ORC5: variants seen among roughly 807,000 people sequenced by gnomAD.
ORC5 encodes origin recognition complex subunit 5, also known as protein phosphatase 1, regulatory subunit 117.
Under a neutral mutation model 58.8 loss-of-function variants are expected in ORC5, and 39 were observed. The observed-to-expected ratio is 0.66, with a 90% CI of 0.51 to 0.87. ORC5 has a LOEUF of 0.87. ORC5 is among the 40% of genes least tolerant of loss of function. ORC5 has a pLI of 0.00. For missense variants in ORC5, 493 were observed against 506.3 expected (o/e 0.97, Z 0.25); for synonymous variants, 218 against 177.6 (o/e 1.23, Z -1.81).
chr7:104,193,050 G>C, intron 5 of ORC5, among the ~76,000 whole-genome samples: 1 of 151,958 alleles, frequency 6.6e-6, no homozygotes, highest in East Asian at 1.9e-4. Context: ...GGTGAGGGGG[G>C]CAGACAAAAT....
In ORC5 at chr7:104,196,763, C is replaced by T. The variant is rs1475004298; in HGVS notation, c.441+962G>A. On this transcript the variant is annotated intron_variant, in intron 4 of 13. Coordinates refer to ENST00000297431, the MANE Select transcript of ORC5 (RefSeq NM_002553.4). ...AAACTGCTTATACTCAAAGCACTTA[C>T]AAAATTATAAAACCAAAATAAATTT... is the stretch of plus-strand genomic sequence containing the variant. 2.0e-5 allele frequency among the ~76,000 whole-genome samples: 3 copies of T among 152,152 alleles called. No homozygotes were observed. The East Asian group carries it at 5.8e-4, about 29-fold the overall frequency.
In ORC5 at chr7:104,165,286, C is replaced by A; in HGVS notation, c.991-4G>T. 1 of 1,517,330 alleles carries A rather than the reference C, an allele frequency of 6.6e-7. No homozygotes were observed. The highest frequency in any genetic ancestry group is 9.0e-7 in the Non-Finnish European group (1 of 1,107,858). The allele number at this position is 1,517,330 out of a possible 1,614,324, so 94.0% of individuals were successfully genotyped here. On this transcript the variant is annotated splice_region_variant and splice_polypyrimidine_tract_variant and intron_variant, in intron 10 of 13. Transcript: ENST00000297431. ...TTTTCTTGATTTTTCCATGATGCTG[C>A]AATTAAGGAAAACAAATTTTAAGTT...
At chr7:104,152,467 A>AC (rs1323678939) in intron 12 of ORC5, among the ~76,000 whole-genome samples, 2 of 152,192 alleles carry the variant, frequency 1.3e-5, no homozygotes, top group Non-Finnish European at 2.9e-5. Context: ...AATGTACCAC[A>AC]CATTTCCACA....
chr7:104,207,149 C>A (rs1380847424), intron 1 of ORC5, among the ~76,000 whole-genome samples: 4 of 152,170 alleles, frequency 2.6e-5, no homozygotes, highest in Non-Finnish European at 5.9e-5. Flanking sequence ...CTGATTGAGT[C>A]TGAATCAAAA....
chr7:104,146,760 A>T (rs1021821726), intron 12 of ORC5, among the ~76,000 whole-genome samples: 3 of 152,324 alleles, frequency 2.0e-5, no homozygotes, highest in Middle Eastern at 6.8e-3. Flanking sequence ...GCACAGGATA[A>T]AATTTCATAT....
At chr7:104,191,770 T>C (rs563022025) in intron 5 of ORC5, among the ~76,000 whole-genome samples, 18 of 151,960 alleles carry the variant, frequency 1.2e-4, no homozygotes, top group African/African-American at 4.3e-4. Context: ...TATCATGAGG[T>C]AGTAAACAAA....
At position 104,205,086 on chromosome 7, in the gene ORC5, C is replaced by CTTTTTTTTTTTTTTTTTTT. The variant is rs10672012; in HGVS notation, c.73-871_73-853dup. Among the ~76,000 whole-genome samples the CTTTTTTTTTTTTTTTTTTT allele has an allele frequency of 3.0e-5, 3 of 99,426 alleles. 1 individual carries two copies. The highest frequency in any genetic ancestry group is 1.1e-4 in the African/African-American group (3 of 26,884). 65.2% of individuals were successfully genotyped at this position (99,426 alleles called of 152,430 possible). On this transcript the variant is annotated intron_variant, in intron 1 of 13. Coordinates refer to ENST00000297431, the MANE Select transcript of ORC5 (RefSeq NM_002553.4). ...GAAAACTTGATTTTTTAATAATACTCTTTTTTTTTTTTTTTTTTTTTGAGA... is the reference window on the plus strand; with the variant it reads ...GAAAACTTGATTTTTTAATAATACTCTTTTTTTTTTTTTTTTTTTTTTTTTTTTTTTTTTTTTTTTGAGA...
intron 12 of ORC5, among the ~76,000 whole-genome samples, chr7:104,150,991 G>C (rs1392264861): frequency 1.3e-5 from 2 of 152,158 alleles, no homozygotes; most frequent in Admixed American, 1.3e-4. Context: ...GATGGACCAT[G>C]ATGCGTAAAA....
In ORC5 at chr7:104,136,902, G is replaced by C. The variant is rs1472098690; in HGVS notation, c.1150-9C>G. On this transcript the variant is annotated splice_polypyrimidine_tract_variant and intron_variant, in intron 12 of 13. Coordinates refer to ENST00000297431, the MANE Select transcript of ORC5 (RefSeq NM_002553.4). This position sits in a 1 kb window ranked among gnomAD's most constrained non-coding sequence, Gnocchi z 4.2. ...GTCACTAGAGAGGTAATCTAAAAGA[G>C]AACATTTTTATAAGAAACTGTTTTA... 6.4e-7 allele frequency: 1 copy of C among 1,570,320 alleles called. No homozygotes were observed. Among genetic ancestry groups the C allele is most frequent in the South Asian group, 1.1e-5 (1 of 90,056 alleles).
At chr7:104,169,242 A>G (rs1422528533) in intron 8 of ORC5, among the ~76,000 whole-genome samples, 1 of 152,164 alleles carries the variant, frequency 6.6e-6, no homozygotes. Context: ...TGAGGCTCAA[A>G]GATTAAGTCA....
intron 6 of ORC5, among the ~76,000 whole-genome samples, chr7:104,186,529 G>A (rs1051470766): frequency 1.3e-5 from 2 of 152,080 alleles, no homozygotes; most frequent in Non-Finnish European, 2.9e-5. Context: ...GAATATCAAA[G>A]TAGTACTTCA....
At chr7:104,206,968 A>T (rs1316090517) in intron 1 of ORC5, among the ~76,000 whole-genome samples, 1 of 152,206 alleles carries the variant, frequency 6.6e-6, no homozygotes, top group Non-Finnish European at 1.5e-5. Context: ...TGATATTCAC[A>T]GGGATTAAAT....
In ORC5 at chr7:104,138,902, CA is replaced by C. The variant is rs1374873841; in HGVS notation, c.1150-2010del. On this transcript the variant is annotated intron_variant, in intron 12 of 13. Coordinates refer to ENST00000297431, the MANE Select transcript of ORC5 (RefSeq NM_002553.4). The surrounding 1 kb of genome is among the most constrained non-coding windows in gnomAD (Gnocchi z 4.7). ...AAAGTGTATTTTGATAGGTCAAAAT[CA>C]AAGTACAAAATCACTTAACATTCAT... Among the ~76,000 whole-genome samples, 1 of 152,144 alleles carries C rather than the reference CA, an allele frequency of 6.6e-6. No individual in the cohort carries two copies. The highest frequency in any genetic ancestry group is 1.5e-5 in the Non-Finnish European group (1 of 68,016).
chr7:104,207,747 A>C, intron 1 of ORC5, 86 bp downstream of exon 1: 1 of 1,357,678 alleles, frequency 7.4e-7, no homozygotes, highest in Admixed American at 1.7e-5. Context: ...CCTCAATCCA[A>C]ACACGAAAAA....
chr7:104,190,325 A>G (rs895872545), intron 5 of ORC5, among the ~76,000 whole-genome samples: 2 of 152,140 alleles, frequency 1.3e-5, no homozygotes, highest in African/African-American at 4.8e-5. Context: ...TAGTACATAA[A>G]CTGCCAACAA....
At chr7:104,161,287 C>A (rs1799018075) in intron 11 of ORC5, 105 bp from the exon 12 acceptor site, 3 of 616,724 alleles carry the variant, frequency 4.9e-6, no homozygotes, top group South Asian at 4.0e-5. Flanking sequence ...ATATATAGTT[C>A]CCCTAAAAAT....
chr7:104,129,163 A>G lies in ORC5; in HGVS notation c.1263-2270T>C, dbSNP rs1462774427. ...TAGAAGAGCACAAATACATGAAAAT[A>G]TTGTGATGTCTGTAGGACTTCTCTA... On this transcript the variant is annotated intron_variant, in intron 13 of 13. Transcript: ENST00000297431. This position sits in a 1 kb window ranked among gnomAD's most constrained non-coding sequence, Gnocchi z 4.9. Among the ~76,000 whole-genome samples, 1 of 152,162 alleles carries G rather than the reference A, an allele frequency of 6.6e-6. No individual in the cohort carries two copies. Among genetic ancestry groups the G allele is most frequent in the East Asian group, 1.9e-4 (1 of 5,186 alleles).
intron 8 of ORC5, among the ~76,000 whole-genome samples, chr7:104,174,903 C>T (rs1584504665): frequency 6.6e-6 from 1 of 152,190 alleles, no homozygotes; most frequent in East Asian, 1.9e-4. Context: ...GGCCACTGCA[C>T]ACACATGGAC....
chr7:104,148,280 GCCCATATTCCTTATACTA>G (rs1798792450), intron 12 of ORC5, among the ~76,000 whole-genome samples: 1 of 152,172 alleles, frequency 6.6e-6, no homozygotes, highest in South Asian at 2.1e-4. Flanking sequence ...TGAATCCAAA[GCCCATATTCCTTATACTA>G]CCCCAAACAA....
Sources: allele counts gnomAD v4.1 joint callset (sites outside exome capture counted in the v4.1 genomes callset), GRCh38; gene constraint gnomAD v4.1.1; non-coding constraint Gnocchi (gnomAD v3.1); transcripts MANE v1.5; gene names NCBI Gene and HGNC (gene_info 2026-07-23, HGNC 2026-07-21).